RAI14: variants seen among roughly 807,000 people sequenced by gnomAD.
The protein encoded by RAI14 is retinoic acid induced 14.
Under a neutral mutation model 115.4 loss-of-function variants are expected in RAI14, and 45 were observed. That is an observed-to-expected ratio of 0.39 (90% CI 0.31 to 0.50). RAI14 has a LOEUF of 0.50. Among genes scored for constraint, RAI14 ranks in the 20% least tolerant of loss-of-function variants. RAI14 has a pLI of 0.85. For missense variants in RAI14, 939 were observed against 1,131.2 expected (o/e 0.83, Z 2.44); for synonymous variants, 371 against 415.4 (o/e 0.89, Z 1.30).
chr5:34,668,282 T>C (rs1006736768), intron 1 of RAI14, among the ~76,000 whole-genome samples: 36 of 152,112 alleles, frequency 2.4e-4, no homozygotes, highest in African/African-American at 8.0e-4. Context: ...TGATCCCAGA[T>C]TCTCGAGAGG....
chr5:34,789,054 G>T (rs983945587), intron 3 of RAI14, among the ~76,000 whole-genome samples: 1 of 152,130 alleles, frequency 6.6e-6, no homozygotes, highest in Non-Finnish European at 1.5e-5. Flanking sequence ...TAATCTGTAG[G>T]CTCTTTTTAT....
At chr5:34,767,074 T>A (rs1456951269) in intron 3 of RAI14, among the ~76,000 whole-genome samples, 2 of 152,224 alleles carry the variant, frequency 1.3e-5, no homozygotes, top group East Asian at 1.9e-4. Context: ...GTAAGTCCAA[T>A]TAAACCTCTT....
intron 2 of RAI14, among the ~76,000 whole-genome samples, chr5:34,752,745 G>GTATATATATATATATATA (rs1373860856): frequency 9.5e-6 from 1 of 105,270 alleles, no homozygotes; most frequent in Non-Finnish European, 1.9e-5. Flanking sequence ...GTGTGTGTGT[G>GTATATATATATATATATA]TGTGTATATA....
intron 3 of RAI14, among the ~76,000 whole-genome samples, chr5:34,768,527 A>T (rs1280626282): frequency 6.6e-6 from 1 of 152,174 alleles, no homozygotes; most frequent in African/African-American, 2.4e-5. Context: ...AGAAGTTCTG[A>T]AATTAGTACA....
At chr5:34,745,980 G>T (rs1746132952) in intron 2 of RAI14, among the ~76,000 whole-genome samples, 1 of 152,044 alleles carries the variant, frequency 6.6e-6, no homozygotes, top group East Asian at 1.9e-4. Flanking sequence ...TATTTCAGAG[G>T]TAGAACACGA....
intron 7 of RAI14, among the ~76,000 whole-genome samples, chr5:34,808,954 C>A (rs1361333877): frequency 6.6e-6 from 1 of 152,182 alleles, no homozygotes; most frequent in Non-Finnish European, 1.5e-5. Context: ...ATAGGCAGTA[C>A]TGCTCACTCG....
At chr5:34,780,425 G>C (rs1351983140) in intron 3 of RAI14, among the ~76,000 whole-genome samples, 2 of 152,160 alleles carry the variant, frequency 1.3e-5, no homozygotes, top group Non-Finnish European at 2.9e-5. Context: ...TACCATCAGA[G>C]TGAACAGGTA....
chr5:34,741,563 G>A (rs903468286), intron 2 of RAI14, among the ~76,000 whole-genome samples: 5 of 152,240 alleles, frequency 3.3e-5, no homozygotes, highest in Admixed American at 6.5e-5. Context: ...GAAGAGGACA[G>A]AATAACTTGG....
At chr5:34,659,292 C>T (rs1002092123) in intron 1 of RAI14, among the ~76,000 whole-genome samples, 3 of 152,082 alleles carry the variant, frequency 2.0e-5, no homozygotes, top group African/African-American at 4.8e-5. Flanking sequence ...GTTTGAGCTG[C>T]GGTCTCGCTC....
intron 2 of RAI14, among the ~76,000 whole-genome samples, chr5:34,706,095 T>G (rs1457207501): frequency 6.6e-6 from 1 of 152,220 alleles, no homozygotes; most frequent in Non-Finnish European, 1.5e-5. Context: ...CTTTCTGTGT[T>G]TTTTTTCTGT....
chr5:34,696,358 G>A (rs960614650), intron 2 of RAI14, among the ~76,000 whole-genome samples: 1 of 151,850 alleles, frequency 6.6e-6, no homozygotes, highest in Non-Finnish European at 1.5e-5. Context: ...GGATGGTCTC[G>A]ATCTCCTGAC....
intron 4 of RAI14, among the ~76,000 whole-genome samples, chr5:34,801,999 G>A (rs1316303157): frequency 6.6e-6 from 1 of 152,158 alleles, no homozygotes. Flanking sequence ...AGGAGATCTT[G>A]GCTACAGTGA....
At chr5:34,683,023 G>A (rs149862867) in intron 1 of RAI14, among the ~76,000 whole-genome samples, 179 of 152,292 alleles carry the variant, frequency 1.2e-3, no homozygotes, top group African/African-American at 4.1e-3. Flanking sequence ...CAAGGAAGGC[G>A]AGTCCGTTTA....
chr5:34,762,928 C>CGT lies in RAI14; in HGVS notation c.167+5330_167+5331insGT, dbSNP rs747560798. On this transcript the variant is annotated intron_variant, in intron 3 of 17. Coordinates refer to ENST00000265109, the MANE Select transcript of RAI14 (RefSeq NM_015577.3). ...TGTGTGTAGATATAAGGAGTGTGTGCATGTGTGTGTGTGTGTGTGTGTGTG... is the reference window on the plus strand; with the variant it reads ...TGTGTGTAGATATAAGGAGTGTGTGCGTATGTGTGTGTGTGTGTGTGTGTGTG... Among the ~76,000 whole-genome samples, 14 of 98,826 alleles carry CGT rather than the reference C, an allele frequency of 1.4e-4. No homozygotes were observed. In the East Asian group the frequency reaches 4.0e-3, roughly 28 times the overall value. 64.8% of individuals were successfully genotyped at this position (98,826 alleles called of 152,430 possible).
chr5:34,746,740 C>A (rs543696629), intron 2 of RAI14, among the ~76,000 whole-genome samples: 3 of 152,146 alleles, frequency 2.0e-5, no homozygotes, highest in African/African-American at 7.2e-5. Context: ...ACATTTAAAC[C>A]CCCCTAAAAA....
At chr5:34,750,611 G>A (rs1443894923) in intron 2 of RAI14, among the ~76,000 whole-genome samples, 1 of 152,148 alleles carries the variant, frequency 6.6e-6, no homozygotes, top group Admixed American at 6.5e-5. Flanking sequence ...CAAGGGGGAT[G>A]GTGAGGGAAG....
rs531303360 is a variant in RAI14, at chr5:34,758,608, T to C, written c.167+1010T>C. Among the ~76,000 whole-genome samples the C allele has an allele frequency of 7.9e-5, 12 of 152,312 alleles. No individual in the cohort carries two copies. In the South Asian group the frequency reaches 2.3e-3, roughly 29 times the overall value. On this transcript the variant is annotated intron_variant, in intron 3 of 17. Transcript: ENST00000265109. Reference sequence around the variant, plus strand: ...GTTTAGACCTAGAGCAGGGTTTGGCTATGTTACCGAGGCTAGACTTGAACT... The same window carrying C: ...GTTTAGACCTAGAGCAGGGTTTGGCCATGTTACCGAGGCTAGACTTGAACT...
At chr5:34,722,945 C>G (rs1742967188) in intron 2 of RAI14, among the ~76,000 whole-genome samples, 1 of 151,562 alleles carries the variant, frequency 6.6e-6, no homozygotes, top group Non-Finnish European at 1.5e-5. Context: ...AAAAAAAATA[C>G]AAAAATTAGC....
Position 34,770,128 on chromosome 5 carries a change from C to T in RAI14, c.167+12530C>T, listed in dbSNP as rs114909620. On this transcript the variant is annotated intron_variant, in intron 3 of 17. Coordinates refer to ENST00000265109, the MANE Select transcript of RAI14 (RefSeq NM_015577.3). ...GGAGCTTGCAGGGCTTCTCCCCTGG[C>T]GTCAGGACAGGATCCCGACATTGCG... Among the ~76,000 whole-genome samples the T allele has an allele frequency of 2.8e-3, 431 of 152,280 alleles. 2 individuals carry two copies. Among genetic ancestry groups the T allele is most frequent in the African/African-American group, 9.7e-3 (404 of 41,556 alleles).
Sources: gnomAD v4.1 joint callset for allele counts (sites outside exome capture counted in the v4.1 genomes callset) on GRCh38, gnomAD v4.1.1 for gene constraint, MANE v1.5 for transcripts, NCBI Gene and HGNC (gene_info 2026-07-23, HGNC 2026-07-21) for gene names.